STXBP5L: variants seen among roughly 807,000 people sequenced by gnomAD.
STXBP5L encodes the protein syntaxin binding protein 5L, also known as syntaxin-binding protein 5-like.
STXBP5L carries 65 observed loss-of-function variants against 144.5 expected under a neutral mutation model. The ratio of observed to expected loss-of-function variants is 0.45; its 90% CI spans 0.37 to 0.55. The LOEUF (loss-of-function observed/expected upper bound fraction) is 0.55, where lower values mean the gene tolerates loss of function less well. Among genes scored for constraint, STXBP5L ranks in the 20% least tolerant of loss-of-function variants. STXBP5L has a pLI of 0.00. For synonymous variants in STXBP5L, 505 were observed against 469.6 expected (o/e 1.08, Z -0.97); for missense variants, 1,298 against 1,405.5 (o/e 0.92, Z 1.22).
At chr3:121,041,563 G>A (rs1947155744) in intron 3 of STXBP5L, 137 bp from the exon 4 acceptor site, 1 of 619,878 alleles carries the variant, frequency 1.6e-6, no homozygotes, top group African/African-American at 1.8e-5. Context: ...CATCTACTAA[G>A]AGTAAGATTT....
intron 9 of STXBP5L, among the ~76,000 whole-genome samples, chr3:121,190,814 C>A (rs974619942): frequency 6.6e-6 from 1 of 151,338 alleles, no homozygotes; most frequent in Non-Finnish European, 1.5e-5. Context: ...GGGCTCCTCA[C>A]TTCTCAGACG....
At chr3:120,908,923 T>TC (rs925033940) in intron 1 of STXBP5L, among the ~76,000 whole-genome samples, 4 of 149,630 alleles carry the variant, frequency 2.7e-5, no homozygotes, top group East Asian at 2.0e-4. Flanking sequence ...GTTCTCCTCC[T>TC]CCCCCCCTCC....
intron 20 of STXBP5L, among the ~76,000 whole-genome samples, chr3:121,367,503 G>T (rs2045894564): frequency 6.6e-6 from 1 of 150,784 alleles, no homozygotes; most frequent in Non-Finnish European, 1.5e-5. Context: ...CAGCATCAAG[G>T]ATATGCTGAT....
At chr3:121,029,280 T>C (rs184902244) in intron 3 of STXBP5L, among the ~76,000 whole-genome samples, 5 of 152,198 alleles carry the variant, frequency 3.3e-5, no homozygotes, top group Admixed American at 1.3e-4. Context: ...CTTCAAACTA[T>C]ACTACAAGGC....
At chr3:121,045,372 T>C in intron 4 of STXBP5L, 63 bp from the exon 5 acceptor site, 1 of 1,456,572 alleles carries the variant, frequency 6.9e-7, no homozygotes, top group South Asian at 1.3e-5. Context: ...TTAGCTTGTT[T>C]GTGATTAAAA....
chr3:121,130,465 C>T (rs1250069787), intron 7 of STXBP5L, among the ~76,000 whole-genome samples: 1 of 152,026 alleles, frequency 6.6e-6, no homozygotes, highest in Admixed American at 6.6e-5. Flanking sequence ...CCCAGAATTC[C>T]ATCTGTTGCA....
chr3:121,204,128 A>T (rs1384619669), intron 9 of STXBP5L, among the ~76,000 whole-genome samples: 1 of 152,028 alleles, frequency 6.6e-6, no homozygotes, highest in East Asian at 1.9e-4. Flanking sequence ...AGTTCCAGCT[A>T]CTCGGGAGGC....
intron 22 of STXBP5L, among the ~76,000 whole-genome samples, chr3:121,392,303 G>GT (rs1457248803): frequency 1.3e-5 from 2 of 152,204 alleles, no homozygotes; most frequent in African/African-American, 4.8e-5. Context: ...CAGGTAGTCA[G>GT]TCATAGCTTC....
intron 2 of STXBP5L, among the ~76,000 whole-genome samples, chr3:120,914,474 G>T (rs1365424693): frequency 6.6e-6 from 1 of 152,024 alleles, no homozygotes; most frequent in Non-Finnish European, 1.5e-5. Context: ...AGGTAAATAG[G>T]TATAGATCAG....
intron 7 of STXBP5L, among the ~76,000 whole-genome samples, chr3:121,122,598 A>C (rs779692733): frequency 9.9e-5 from 15 of 151,514 alleles, no homozygotes; most frequent in Middle Eastern, 3.2e-3. Flanking sequence ...ATATATTTTA[A>C]AGAAGATGTC....
chr3:121,389,134 C>G (rs559746766), intron 22 of STXBP5L, among the ~76,000 whole-genome samples: 2 of 152,184 alleles, frequency 1.3e-5, no homozygotes, highest in East Asian at 3.9e-4. Context: ...TGTATGTGTC[C>G]AGGAATTTAT....
chr3:121,418,685 C>A, intron 26 of STXBP5L, 128 bp downstream of exon 26: 1 of 920,898 alleles, frequency 1.1e-6, no homozygotes, highest in South Asian at 1.8e-5. Flanking sequence ...TAACCTAGAT[C>A]TCTTCTAAGT....
At chr3:121,105,191 A>G (rs1306737403) in intron 5 of STXBP5L, among the ~76,000 whole-genome samples, 2 of 152,054 alleles carry the variant, frequency 1.3e-5, no homozygotes, top group Admixed American at 6.6e-5. Flanking sequence ...AGGTCAAGAG[A>G]TGGAGACCAT....
chr3:121,364,410 CA>C lies in STXBP5L; in HGVS notation c.2177-14302del, dbSNP rs572456446. ...ATCTTCCAACTTTATTCTTCTCTTT[CA>C]AAATTATTTTGGCTATTAGATTTGG... On this transcript the variant is annotated intron_variant, in intron 20 of 26. Coordinates refer to ENST00000471454, the MANE Select transcript of STXBP5L (RefSeq NM_001308330.2). 3.3e-3 allele frequency among the ~76,000 whole-genome samples: 492 copies of C among 150,504 alleles called. 3 individuals carry two copies. The highest frequency in any genetic ancestry group is 5.6e-3 in the Non-Finnish European group (376 of 67,678).
intron 19 of STXBP5L, chr3:121,282,190 A>T: frequency 7.4e-7 from 1 of 1,348,010 alleles, no homozygotes; most frequent in Non-Finnish European, 1.1e-6. Flanking sequence ...GTATGATATC[A>T]CTTCCTTTCA....
intron 10 of STXBP5L, among the ~76,000 whole-genome samples, chr3:121,207,876 C>G (rs1233764128): frequency 1.3e-5 from 2 of 152,122 alleles, no homozygotes; most frequent in Non-Finnish European, 2.9e-5. Flanking sequence ...CACTTTTACA[C>G]TGTTGGTGGG....
intron 3 of STXBP5L, among the ~76,000 whole-genome samples, chr3:120,979,896 A>G (rs985203223): frequency 2.0e-5 from 3 of 152,150 alleles, no homozygotes; most frequent in African/African-American, 7.2e-5. Context: ...CTTTTGCTGT[A>G]TCCTGTATGT....
chr3:121,137,553 T>C (rs1577043720), intron 7 of STXBP5L, among the ~76,000 whole-genome samples: 1 of 152,058 alleles, frequency 6.6e-6, no homozygotes. Flanking sequence ...TCAACCAAAT[T>C]CAACAGCACA....
At chr3:121,056,703 G>A (rs1368998668) in intron 5 of STXBP5L, among the ~76,000 whole-genome samples, 2 of 152,024 alleles carry the variant, frequency 1.3e-5, no homozygotes, top group African/African-American at 4.8e-5. Flanking sequence ...CTGTCCCCTG[G>A]ACACTTACTT....
Sources: allele counts gnomAD v4.1 joint callset (sites outside exome capture counted in the v4.1 genomes callset), GRCh38; gene constraint gnomAD v4.1.1; transcripts MANE v1.5; gene names NCBI Gene and HGNC (gene_info 2026-07-23, HGNC 2026-07-21).